SUPT6H: variants seen among roughly 807,000 people sequenced by gnomAD.
The protein encoded by SUPT6H is SPT6 homolog, histone chaperone and transcription elongation factor, also known as transcription elongation factor SPT6.
Under a neutral mutation model 222.3 loss-of-function variants are expected in SUPT6H, and 11 were observed. The observed-to-expected ratio is 0.05, with a 90% confidence interval of 0.03 to 0.08. The LOEUF is 0.08. Among genes scored for constraint, SUPT6H ranks in the 10% least tolerant of loss-of-function variants. The pLI, the probability that SUPT6H is intolerant of heterozygous loss-of-function variation, is 1.00. For missense variants in SUPT6H, 1,422 were observed against 2,216.0 expected, an observed-to-expected ratio of 0.64 and a Z score of 7.19; for synonymous variants, 762 against 801.2, an observed-to-expected ratio of 0.95 and a Z score of 0.83.
At chr17:28,684,003 T>C (rs1163424611) in intron 17 of SUPT6H, among the ~76,000 whole-genome samples, 187 bp downstream of exon 17, 4 of 151,948 alleles carry the variant, frequency 2.6e-5, no homozygotes, top group African/African-American at 9.7e-5. Context: ...GCCCAGCTAA[T>C]TTTTTATATT....
At chr17:28,699,648 G>A in intron 32 of SUPT6H, 133 bp from the exon 33 acceptor site, 4 of 773,330 alleles carry the variant, frequency 5.2e-6, no homozygotes, top group Non-Finnish European at 9.4e-6. Flanking sequence ...TCACAGGCCT[G>A]GGGACTGGCT....
rs2031398359 is a variant in SUPT6H at position 28,686,696 on chromosome 17, T to C, written c.2607T>C (p.His869=). The C allele has an allele frequency of 6.2e-7, 1 of 1,610,528 alleles. No individual in the cohort carries two copies. The highest frequency in any genetic ancestry group is 1.7e-5 in the Admixed American group (1 of 58,862). ...MLIEDVKRIV[H]ELDQGQQLSS... ...TTGAAGATGTGAAGCGCATTGTACA[T>C]GAGCTGGACCAGGGCCAGCAGCTGT... The change falls in exon 21 of 37, where the codon CAT becomes CAC. Residue 869 remains histidine, a synonymous_variant. Coordinates refer to ENST00000314616, the MANE Select transcript of SUPT6H (RefSeq NM_003170.5).
chr17:28,693,895 C>T, intron 28 of SUPT6H, 59 bp downstream of exon 28: 1 of 1,609,376 alleles, frequency 6.2e-7, no homozygotes, highest in Non-Finnish European at 8.5e-7. Flanking sequence ...GATCAGGTCT[C>T]TTTAACTTTG....
intron 1 of SUPT6H, among the ~76,000 whole-genome samples, chr17:28,666,701 A>G (rs1480001925): frequency 2.0e-5 from 3 of 151,864 alleles, no homozygotes. Flanking sequence ...ACAGGCGTGC[A>G]CCACCACACC....
Position 28,683,757 on chromosome 17 carries a change from C to A in SUPT6H, c.2170C>A (p.Gln724Lys). The change falls in exon 17 of 37, where the codon CAG becomes AAG. Residue 724 changes from glutamine to lysine, a missense_variant. Gln to Lys is a moderately conservative substitution (Grantham distance 53). Around this residue, in one of 13 missense-constraint regions of SUPT6H, gnomAD observed 294 missense variants for 382.1 expected, o/e 0.77. Transcript: ENST00000314616. The part of the protein sequence containing the change: ...ERALQQFLYV[Q>K]MAKELKNKLL... ...GGCTTTACAGCAGTTCCTCTATGTG[C>A]AGATGGCCAAAGAACTCAAGAACAA... 6.2e-7 allele frequency: 1 copy of A among 1,613,954 alleles called. No individual in the cohort carries two copies.
At chr17:28,664,138 C>G (rs191640909) in intron 1 of SUPT6H, among the ~76,000 whole-genome samples, 56 of 152,240 alleles carry the variant, frequency 3.7e-4, no homozygotes, top group Non-Finnish European at 7.2e-4. Context: ...TGACATTTCA[C>G]TCTTGGATTT....
Position 28,687,175 on chromosome 17 carries a change from G to A in SUPT6H, c.2788G>A (p.Val930Met), listed in dbSNP as rs779907769. 6.2e-7 allele frequency: 1 copy of A among 1,614,116 alleles called. No homozygotes were observed. Among genetic ancestry groups the A allele is most frequent in the Non-Finnish European group, 8.5e-7 (1 of 1,180,036 alleles). Residue 930 changes from valine to methionine, a missense_variant, in exon 22 of 37, where the codon GTG (valine) becomes ATG (methionine). By Grantham distance (21) the Val-to-Met change is conservative. Coordinates refer to ENST00000314616, the MANE Select transcript of SUPT6H (RefSeq NM_003170.5). ...IQDPLIEFAQVCSSDEDILCL... is the reference protein window; with the variant it reads ...IQDPLIEFAQMCSSDEDILCL... ...GGACCCTCTGATTGAATTTGCCCAG[G>A]TGTGCAGTTCCGATGAAGACATCCT...
Position 28,697,042 on chromosome 17 carries a change from A to G in SUPT6H, c.4169A>G (p.Asn1390Ser). 1 of 1,613,998 alleles carries G rather than the reference A, an allele frequency of 6.2e-7. No homozygotes were observed. Among genetic ancestry groups the G allele is most frequent in the Non-Finnish European group, 8.5e-7 (1 of 1,179,996 alleles). Reference sequence around the variant, plus strand: ...GATGTGCGGGAGGAGGGCAAGGAAAATGCCTTCAGCCTGGGAGCCACTCTG... The same window carrying G: ...GATGTGCGGGAGGAGGGCAAGGAAAGTGCCTTCAGCCTGGGAGCCACTCTG... Reference protein sequence around the residue: ...HVDVREEGKENAFSLGATLWI... With the variant: ...HVDVREEGKESAFSLGATLWI... The change falls in exon 30 of 37, where the codon AAT (asparagine) becomes AGT (serine). Residue 1390 changes from asparagine to serine, a missense_variant. This residue lies in a region of SUPT6H where 395 missense variants were observed against 580.6 expected (regional missense o/e 0.68). Transcript: ENST00000314616.
At chr17:28,699,980 G>A (rs1422940499) in intron 33 of SUPT6H, 87 bp downstream of exon 33, 2 of 1,414,322 alleles carry the variant, frequency 1.4e-6, no homozygotes, top group East Asian at 2.3e-5. Flanking sequence ...AGGGGACCAG[G>A]TGAGGAGTAG....
chr17:28,684,705 C>T lies in SUPT6H; in HGVS notation c.2349C>T (p.Gly783=). ...AAGGGAAGGGCATTCGAGTCCTCGGCATTGCTTTCTCCTCTGCCAGGTAAC... is the reference window on the plus strand; with the variant it reads ...AAGGGAAGGGCATTCGAGTCCTCGGTATTGCTTTCTCCTCTGCCAGGTAAC... ...ENQGKGIRVL[G]IAFSSARDHP... is the part of the protein sequence containing the mutation. Residue 783 remains glycine (G), a synonymous_variant, in exon 18 of 37, where the codon GGC becomes GGT. Coordinates refer to ENST00000314616, the MANE Select transcript of SUPT6H (RefSeq NM_003170.5). The T allele has an allele frequency of 6.2e-7, 1 of 1,614,236 alleles. No individual in the cohort carries two copies. The highest frequency in any genetic ancestry group is 2.2e-5 in the East Asian group (1 of 44,884).
chr17:28,681,813 C>T (rs2031118158), intron 12 of SUPT6H, 69 bp from the exon 13 acceptor site: 13 of 1,409,496 alleles, frequency 9.2e-6, no homozygotes, highest in South Asian at 8.9e-5. Flanking sequence ...AGGCTTCTCT[C>T]CTAATGTGTC....
intron 1 of SUPT6H, among the ~76,000 whole-genome samples, chr17:28,662,861 G>C (rs974725372): frequency 6.6e-6 from 1 of 152,214 alleles, no homozygotes; most frequent in African/African-American, 2.4e-5. Context: ...AGGTCTTGTA[G>C]AAGTCCTAAA....
At chr17:28,697,833 C>T (rs1451505118) in intron 31 of SUPT6H, 73 bp from the exon 32 acceptor site, 3 of 1,607,064 alleles carry the variant, frequency 1.9e-6, no homozygotes, top group East Asian at 2.2e-5. Flanking sequence ...AGGAAGTGTA[C>T]ATCATGTGTG....
At position 28,683,358 on chromosome 17, in the gene SUPT6H, T is replaced by C. The variant is rs769873917; in HGVS notation, c.1969T>C (p.Cys657Arg). The C allele has an allele frequency of 1.1e-5, 17 of 1,614,048 alleles. No individual in the cohort carries two copies. The highest frequency in any genetic ancestry group is 2.2e-5 in the South Asian group (2 of 91,086). ...GAGAGATGACCAGTTTCTCAAGATA[T>C]GCCTGGCTGAAGACGAAGGGCTCCT... ...ELRDDQFLKICLAEDEGLLTT... is the reference protein window; with the variant it reads ...ELRDDQFLKIRLAEDEGLLTT... The change falls in exon 16 of 37, where the codon TGC becomes CGC. Residue 657 changes from cysteine (C) to arginine (R), a missense_variant. By Grantham distance (180) the Cys-to-Arg change is radical. Transcript: ENST00000314616.
At position 28,687,142 on chromosome 17, in the gene SUPT6H, C is replaced by T. The variant is rs756101804; in HGVS notation, c.2755C>T (p.Arg919Cys). The T allele has an allele frequency of 3.1e-6, 5 of 1,613,916 alleles. No homozygotes were observed. Among genetic ancestry groups the T allele is most frequent in the Non-Finnish European group, 3.4e-6 (4 of 1,180,038 alleles). Reference sequence around the variant, plus strand: ...GAGACAGGCCGTCTCCCTGGCCCGGCGCATCCAGGACCCTCTGATTGAATT... The same window carrying T: ...GAGACAGGCCGTCTCCCTGGCCCGGTGCATCCAGGACCCTCTGATTGAATT... ...VLRQAVSLAR[R>C]IQDPLIEFAQ... Residue 919 changes from arginine to cysteine, a missense_variant, in exon 22 of 37, where the codon CGC becomes TGC. Coordinates refer to ENST00000314616, the MANE Select transcript of SUPT6H (RefSeq NM_003170.5).
At chr17:28,686,303 T>A (rs1304927451) in intron 19 of SUPT6H, 36 bp from the exon 20 acceptor site, 1 of 1,589,266 alleles carries the variant, frequency 6.3e-7, no homozygotes, top group South Asian at 1.1e-5. Flanking sequence ...CTTTACATCC[T>A]CAGAGCCATT....
Position 28,690,245 on chromosome 17 carries a change from AT to A in SUPT6H, c.3490+23del, listed in dbSNP as rs35375996. On this transcript the variant is annotated intron_variant, in intron 26 of 36. Transcript: ENST00000314616. ...TTCTACATTGGTAAATTCTGGGGTC[AT>A]TTTTTTATTGGGGGCAGGAGGTGTG... is the stretch of plus-strand genomic sequence containing the variant. 6.2e-7 allele frequency: 1 copy of A among 1,612,260 alleles called. No homozygotes were observed. The highest frequency in any genetic ancestry group is 8.5e-7 in the Non-Finnish European group (1 of 1,179,158).
chr17:28,682,903 C>T (rs2031188862), intron 14 of SUPT6H, 39 bp from the exon 15 acceptor site: 1 of 1,613,192 alleles, frequency 6.2e-7, no homozygotes. Context: ...CTGAGGACCA[C>T]AACACCCTGG....
intron 32 of SUPT6H, among the ~76,000 whole-genome samples, chr17:28,699,163 G>A (rs994493655): frequency 3.3e-5 from 5 of 152,200 alleles, no homozygotes; most frequent in Non-Finnish European, 5.9e-5. Context: ...ATTGTGGAAC[G>A]TGCTCTGTGC....
Sources: allele counts gnomAD v4.1 joint callset (sites outside exome capture counted in the v4.1 genomes callset), GRCh38; gene constraint gnomAD v4.1.1; regional missense constraint gnomAD v4.1.1; transcripts MANE v1.5; gene names NCBI Gene and HGNC (gene_info 2026-07-23, HGNC 2026-07-21).